The following PRKN variants were observed in gnomAD, a reference collection of about 807,000 sequenced individuals.
PRKN encodes the protein E3 ubiquitin-protein ligase parkin.
PRKN carries 56 observed loss-of-function variants against 59.5 expected under a neutral mutation model. That is an observed-to-expected ratio of 0.94 (90% CI 0.76 to 1.18). PRKN has a LOEUF of 1.18. Ranked by LOEUF, PRKN falls within the 50% of genes most tolerant of loss-of-function variation. The pLI, the probability that PRKN is intolerant of heterozygous loss-of-function variation, is 0.00. For synonymous variants in PRKN, 250 were observed against 222.1 expected (o/e 1.13, Z -1.12); for missense variants, 657 against 596.4 (o/e 1.10, Z -1.06).
chr6:161,384,781 T>G (rs1275536441), intron 10 of PRKN, among the ~76,000 whole-genome samples: 1 of 152,222 alleles, frequency 6.6e-6, no homozygotes, highest in Non-Finnish European at 1.5e-5. Flanking sequence ...TTCTGTGACT[T>G]TTCCAGGGAA....
intron 7 of PRKN, among the ~76,000 whole-genome samples, chr6:161,759,112 G>C (rs1188176832): frequency 1.3e-5 from 2 of 152,028 alleles, no homozygotes; most frequent in Non-Finnish European, 2.9e-5. Context: ...CAGAGGCAGA[G>C]GTTGCAGTGA....
intron 4 of PRKN, among the ~76,000 whole-genome samples, chr6:162,140,598 G>A (rs1383965922): frequency 1.3e-5 from 2 of 152,070 alleles, no homozygotes; most frequent in South Asian, 4.1e-4. Context: ...TGGTTTCCTT[G>A]TTCCCTTTTA....
intron 4 of PRKN, among the ~76,000 whole-genome samples, chr6:162,117,185 G>T (rs1156570476): frequency 6.6e-6 from 1 of 152,178 alleles, no homozygotes; most frequent in Non-Finnish European, 1.5e-5. Context: ...AGAAAGTGGG[G>T]CTTAAAATAG....
At chr6:161,890,032 G>C (rs1007534682) in intron 6 of PRKN, among the ~76,000 whole-genome samples, 1 of 152,146 alleles carries the variant, frequency 6.6e-6, no homozygotes. Context: ...CTCTCACTTA[G>C]ACTCATGGGG....
intron 7 of PRKN, among the ~76,000 whole-genome samples, chr6:161,607,802 C>T (rs1257840988): frequency 6.6e-6 from 1 of 152,160 alleles, no homozygotes; most frequent in Admixed American, 6.5e-5. Context: ...CTTCAAGGAG[C>T]CACTGTATAA....
At chr6:162,257,082 T>A (rs1044185106) in intron 3 of PRKN, among the ~76,000 whole-genome samples, 1 of 152,194 alleles carries the variant, frequency 6.6e-6, no homozygotes, top group Non-Finnish European at 1.5e-5. Flanking sequence ...TGCCCCGGCA[T>A]GGTATTCCTC....
intron 1 of PRKN, among the ~76,000 whole-genome samples, chr6:162,450,366 C>T (rs1032207447): frequency 7.4e-6 from 1 of 135,046 alleles, no homozygotes. Context: ...ATGTAAACGC[C>T]CCTGTGATTG....
intron 7 of PRKN, among the ~76,000 whole-genome samples, chr6:161,620,005 T>G (rs1039295671): frequency 1.0e-5 from 1 of 95,762 alleles, no homozygotes; most frequent in African/African-American, 4.8e-5. Context: ...TTTTTTTTTT[T>G]TGGAGATGGA....
intron 1 of PRKN, among the ~76,000 whole-genome samples, chr6:162,629,049 C>A (rs150145481): frequency 1.0e-3 from 158 of 152,160 alleles, no homozygotes; most frequent in African/African-American, 3.7e-3. Flanking sequence ...GGATAATGAT[C>A]CATAATGAAT....
intron 1 of PRKN, among the ~76,000 whole-genome samples, chr6:162,574,371 GA>G (rs35538813): frequency 0.23 from 33,679 of 149,188 alleles, 4,528 homozygotes; most frequent in African/African-American, 0.38. Context: ...AGAGAAAGAG[GA>G]AAAAAAAAAG....
intron 9 of PRKN, among the ~76,000 whole-genome samples, chr6:161,542,088 C>T (rs1234002509): frequency 1.3e-5 from 2 of 152,106 alleles, no homozygotes; most frequent in African/African-American, 4.8e-5. Flanking sequence ...AGGGTGAAGG[C>T]CTTTATGGCG....
chr6:162,175,554 T>C (rs1783493547), intron 4 of PRKN, among the ~76,000 whole-genome samples: 1 of 152,198 alleles, frequency 6.6e-6, no homozygotes, highest in Admixed American at 6.5e-5. Context: ...AATTCTTCCA[T>C]GATGGTATAT....
intron 5 of PRKN, among the ~76,000 whole-genome samples, chr6:161,974,116 A>C (rs1780933277): frequency 6.6e-6 from 1 of 152,160 alleles, no homozygotes; most frequent in South Asian, 2.1e-4. Flanking sequence ...AAAATACAAA[A>C]ATTAGCCGGG....
intron 2 of PRKN, among the ~76,000 whole-genome samples, chr6:162,350,226 T>C (rs566503722): frequency 6.6e-6 from 1 of 152,128 alleles, no homozygotes; most frequent in African/African-American, 2.4e-5. Context: ...ATGAAGTATG[T>C]TATGTTACAG....
intron 4 of PRKN, among the ~76,000 whole-genome samples, chr6:162,119,163 T>C (rs929092553): frequency 2.0e-5 from 3 of 152,348 alleles, no homozygotes; most frequent in Middle Eastern, 3.4e-3. Flanking sequence ...ACACTTTTTC[T>C]TCTTAGAAAG....
At chr6:162,198,771 G>T (rs1158039795) in intron 4 of PRKN, among the ~76,000 whole-genome samples, 2 of 151,758 alleles carry the variant, frequency 1.3e-5, no homozygotes, top group African/African-American at 4.8e-5. Flanking sequence ...AGGCTCACAG[G>T]TCATCACCTC....
chr6:161,539,304 G>A (rs2115404797), intron 9 of PRKN, among the ~76,000 whole-genome samples: 1 of 152,330 alleles, frequency 6.6e-6, no homozygotes, highest in South Asian at 2.1e-4. Context: ...AAATTTCCCA[G>A]TGGACTTCAT....
chr6:161,709,071 T>C (rs1424772076), intron 7 of PRKN, among the ~76,000 whole-genome samples: 3 of 152,218 alleles, frequency 2.0e-5, no homozygotes, highest in Non-Finnish European at 4.4e-5. Context: ...GAGTTAAATA[T>C]GACTAGTGGA....
intron 7 of PRKN, among the ~76,000 whole-genome samples, chr6:161,720,322 C>A (rs946717289): frequency 4.6e-5 from 7 of 152,180 alleles, no homozygotes; most frequent in African/African-American, 1.7e-4. Flanking sequence ...CAGGTAACTA[C>A]TATCTCCCTA....
Sources: gnomAD v4.1 joint callset for allele counts (sites outside exome capture counted in the v4.1 genomes callset) on GRCh38, gnomAD v4.1.1 for gene constraint, MANE v1.5 for transcripts, NCBI Gene and HGNC (gene_info 2026-07-23, HGNC 2026-07-21) for gene names.